The following NFYA variants were observed in gnomAD, a reference collection of about 807,000 sequenced individuals.
NFYA encodes the protein nuclear transcription factor Y subunit alpha.
NFYA carries 28 observed loss-of-function variants against 52.8 expected under a neutral mutation model. That is an observed-to-expected ratio of 0.53 (90% CI 0.39 to 0.73). The LOEUF (loss-of-function observed/expected upper bound fraction) is 0.73. Among genes scored for constraint, NFYA ranks in the 30% least tolerant of loss-of-function variants. The pLI, the probability that NFYA is intolerant of heterozygous loss-of-function variation, is 0.00. For missense variants in NFYA, 234 were observed against 427.0 expected (o/e 0.55, Z 3.98); for synonymous variants, 150 against 150.7 (o/e 1.00, Z 0.03).
rs913070327 is a variant in NFYA at position 41,090,091 on chromosome 6, G to T, written c.442-113G>T. 4 of 684,046 alleles carry T rather than the reference G, an allele frequency of 5.8e-6. No homozygotes were observed. In the East Asian group the frequency reaches 1.2e-4, roughly 20 times the overall value. The allele number at this position is 684,046 out of a possible 1,614,324, so 42.4% of individuals were successfully genotyped here. Reference sequence around the variant, plus strand: ...CGCCACTGCACTGCACTCCAGCCTGGCGACAGAGTGAGACTCTGTCTCAAA... The same window carrying T: ...CGCCACTGCACTGCACTCCAGCCTGTCGACAGAGTGAGACTCTGTCTCAAA... On this transcript the variant is annotated intron_variant, in intron 5 of 9. Coordinates refer to ENST00000341376, the MANE Select transcript of NFYA (RefSeq NM_002505.5).
intron 8 of NFYA, among the ~76,000 whole-genome samples, chr6:41,093,467 C>T (rs1012954318): frequency 2.0e-5 from 3 of 151,298 alleles, no homozygotes; most frequent in African/African-American, 7.3e-5. Flanking sequence ...GAAAGGTACC[C>T]TTTCTTTTTT....
chr6:41,096,419 A>G (rs1227226510), intron 9 of NFYA, among the ~76,000 whole-genome samples: 1 of 152,162 alleles, frequency 6.6e-6, no homozygotes, highest in Non-Finnish European at 1.5e-5. Context: ...TAACAATATG[A>G]TCTTGGTCAA....
chr6:41,102,128 G>A lies in NFYA; in HGVS notation c.*4718G>A, dbSNP rs1259647428. The A allele has an allele frequency of 6.6e-6, 1 of 152,222 alleles. No individual in the cohort carries two copies. Among genetic ancestry groups the A allele is most frequent in the Non-Finnish European group, 1.5e-5 (1 of 68,060 alleles). 9.4% of individuals were successfully genotyped at this position (152,222 alleles called of 1,614,324 possible). A position where few individuals can be genotyped will look rare whatever the true frequency, so the allele number is the denominator to read the frequency against. On this transcript the variant is annotated 3_prime_UTR_variant, in exon 10 of 10. Coordinates refer to ENST00000341376, the MANE Select transcript of NFYA (RefSeq NM_002505.5). ...ACATCGTGGAGCGTGAGTGATCATT[G>A]TAGGGTAACAAGGTGTGGTGCTGGG...
chr6:41,090,041 C>T (rs576577040), intron 5 of NFYA, among the ~76,000 whole-genome samples, 163 bp from the exon 6 acceptor site: 4 of 152,166 alleles, frequency 2.6e-5, no homozygotes, highest in East Asian at 1.9e-4. Flanking sequence ...ACCCAGGAGG[C>T]GGAGGTTGCA....
intron 1 of NFYA, among the ~76,000 whole-genome samples, chr6:41,076,590 T>A (rs1157422421): frequency 1.3e-5 from 2 of 152,170 alleles, no homozygotes; most frequent in Non-Finnish European, 2.9e-5. Context: ...CTTGGAATAG[T>A]GGGGCAAAGA....
intron 4 of NFYA, among the ~76,000 whole-genome samples, chr6:41,086,035 A>T (rs1444881395): frequency 6.6e-6 from 1 of 152,252 alleles, no homozygotes; most frequent in East Asian, 1.9e-4. Context: ...GCATAAATAT[A>T]TGAGGCTTTA....
intron 8 of NFYA, 112 bp from the exon 9 acceptor site, chr6:41,094,284 T>G (rs531618567): frequency 1.2e-6 from 1 of 834,550 alleles, no homozygotes; most frequent in Non-Finnish European, 1.9e-6. Flanking sequence ...AATTGTCCCT[T>G]GTGACTTTGA....
chr6:41,101,747 G>A lies in NFYA; in HGVS notation c.*4337G>A, dbSNP rs1187526060. 6.6e-6 allele frequency among the ~76,000 whole-genome samples: 1 copy of A among 152,182 alleles called. No individual in the cohort carries two copies. The highest frequency in any genetic ancestry group is 1.5e-5 in the Non-Finnish European group (1 of 68,030). On this transcript the variant is annotated 3_prime_UTR_variant, in exon 10 of 10. Coordinates refer to ENST00000341376, the MANE Select transcript of NFYA (RefSeq NM_002505.5). Reference sequence around the variant, plus strand: ...TTTCCCATAGCTAGGCAGCCTAAGAGAGTAGGGGAAAGAGCTGGCTCCAGA... The same window carrying A: ...TTTCCCATAGCTAGGCAGCCTAAGAAAGTAGGGGAAAGAGCTGGCTCCAGA...
At chr6:41,092,792 TAC>T in intron 7 of NFYA, 118 bp from the exon 8 acceptor site, 1 of 937,242 alleles carries the variant, frequency 1.1e-6, no homozygotes, top group Admixed American at 2.6e-5. Context: ...TTTACCCAAG[TAC>T]CCTATAAAAA....
intron 1 of NFYA, among the ~76,000 whole-genome samples, chr6:41,076,461 A>G (rs1046395310): frequency 1.3e-5 from 2 of 152,194 alleles, no homozygotes; most frequent in Non-Finnish European, 1.5e-5. Context: ...TGATAATCCT[A>G]TGGCTTTTCA....
At chr6:41,094,373 A>C (rs1764289739) in intron 8 of NFYA, 23 bp from the exon 9 acceptor site, 2 of 1,603,312 alleles carry the variant, frequency 1.2e-6, no homozygotes, top group Admixed American at 1.7e-5. Context: ...TTAATAGTTA[A>C]ATGGTTTTAT....
At chr6:41,088,423 CAAAAAA>C (rs34590854) in intron 4 of NFYA, among the ~76,000 whole-genome samples, 3 of 64,726 alleles carry the variant, frequency 4.6e-5, no homozygotes, top group Admixed American at 1.8e-4. Flanking sequence ...ACTCCGTCTC[CAAAAAA>C]AAAAAAAAAA....
At chr6:41,073,939 C>T (rs150446273) in intron 1 of NFYA, among the ~76,000 whole-genome samples, 37 of 152,336 alleles carry the variant, frequency 2.4e-4, no homozygotes, top group African/African-American at 8.4e-4. Flanking sequence ...GTTTCTTGTC[C>T]GGGCTGTAAG....
intron 9 of NFYA, among the ~76,000 whole-genome samples, chr6:41,096,043 C>T (rs1048765884): frequency 2.0e-5 from 3 of 152,134 alleles, no homozygotes; most frequent in African/African-American, 7.2e-5. Context: ...TCTCCAGTCT[C>T]CTCTAATTGG....
At chr6:41,074,730 A>G (rs1005020200) in intron 1 of NFYA, among the ~76,000 whole-genome samples, 1 of 152,222 alleles carries the variant, frequency 6.6e-6, no homozygotes, top group Non-Finnish European at 1.5e-5. Flanking sequence ...AACAGTTATT[A>G]TTTTGTATGG....
intron 9 of NFYA, 24 bp from the exon 10 acceptor site, chr6:41,097,333 T>C: frequency 6.2e-7 from 1 of 1,613,502 alleles, no homozygotes. Context: ...AGGACTTTAA[T>C]CATCATGTCA....
intron 1 of NFYA, among the ~76,000 whole-genome samples, chr6:41,076,727 G>A (rs971968393): frequency 6.6e-6 from 1 of 152,232 alleles, no homozygotes; most frequent in Non-Finnish European, 1.5e-5. Flanking sequence ...GCAAGAGCTA[G>A]ACAGACTAAA....
In NFYA at chr6:41,099,177, T is replaced by A. The variant is rs1719349336; in HGVS notation, c.*1767T>A. On this transcript the variant is annotated 3_prime_UTR_variant, in exon 10 of 10. Coordinates refer to ENST00000341376, the MANE Select transcript of NFYA (RefSeq NM_002505.5). ...TCCAGATGTCAAAGGACTGATCCTT[T>A]GGTAAGCTCACTAGAAACTTCTAGC... is the stretch of plus-strand genomic sequence containing the variant. 6.6e-6 allele frequency: 1 copy of A among 152,220 alleles called. No individual in the cohort carries two copies. Among genetic ancestry groups the A allele is most frequent in the Admixed American group, 6.5e-5 (1 of 15,284 alleles). 9.4% of individuals were successfully genotyped at this position (152,220 alleles called of 1,614,324 possible).
Position 41,101,455 on chromosome 6 carries a change from C to G in NFYA, c.*4045C>G, listed in dbSNP as rs67151216. On this transcript the variant is annotated 3_prime_UTR_variant, in exon 10 of 10. Transcript: ENST00000341376. ...GAAAGGATTTTTACAGGACCACGCC[C>G]CGGGCTTTGAACCCGTTTTTCCCAA... Among the ~76,000 whole-genome samples, 15,091 of 152,192 alleles carry G rather than the reference C, an allele frequency of 0.099. 769 individuals are homozygous for G. The highest frequency in any genetic ancestry group is 0.15 in the Middle Eastern group (44 of 294).
Sources: gnomAD v4.1 joint callset for allele counts (sites outside exome capture counted in the v4.1 genomes callset) on GRCh38, gnomAD v4.1.1 for gene constraint, MANE v1.5 for transcripts, NCBI Gene and HGNC (gene_info 2026-07-23, HGNC 2026-07-21) for gene names.